The following CSTF3 variants were observed in gnomAD, a reference collection of about 807,000 sequenced individuals.
CSTF3 encodes cleavage stimulation factor subunit 3, also known as CF-1 77 kDa subunit.
Under a neutral mutation model 105.8 loss-of-function variants are expected in CSTF3, and 29 were observed. The observed-to-expected ratio is 0.27, with a 90% CI of 0.20 to 0.37. The LOEUF (loss-of-function observed/expected upper bound fraction) is 0.37. CSTF3 is among the 10% of genes least tolerant of loss of function. The pLI, the probability that CSTF3 is intolerant of heterozygous loss-of-function variation, is 1.00. For synonymous variants in CSTF3, 252 were observed against 281.9 expected (o/e 0.89, Z 1.06); for missense variants, 357 against 879.3 (o/e 0.41, Z 7.51).
At chr11:33,086,803 GTTTTGTT>G in intron 18 of CSTF3, among the ~76,000 whole-genome samples, 178 bp downstream of exon 18, 1 of 152,278 alleles carries the variant, frequency 6.6e-6, no homozygotes, top group Admixed American at 6.5e-5. Context: ...GATCATTGAA[GTTTTGTT>G]TTTAGGACAT....
intron 3 of CSTF3, among the ~76,000 whole-genome samples, chr11:33,137,858 T>C (rs532637633): frequency 2.0e-5 from 3 of 151,888 alleles, no homozygotes; most frequent in East Asian, 3.9e-4. Context: ...TAAAATCACA[T>C]TGCTCAACAG....
At chr11:33,153,232 G>T (rs1849812207) in intron 1 of CSTF3, among the ~76,000 whole-genome samples, 1 of 151,982 alleles carries the variant, frequency 6.6e-6, no homozygotes, top group Admixed American at 6.6e-5. Flanking sequence ...TGTTTTAGAT[G>T]AAAAATATGA....
Position 33,096,688 on chromosome 11 carries a change from T to C in CSTF3, c.1272+147A>G. 7 of 713,712 alleles carry C rather than the reference T, an allele frequency of 9.8e-6. No individual in the cohort carries two copies. The South Asian group carries it at 1.4e-4, about 15-fold the overall frequency. 44.2% of individuals were successfully genotyped at this position (713,712 alleles called of 1,614,324 possible). A position where few individuals can be genotyped will look rare whatever the true frequency, so the allele number is the denominator to read the frequency against. On this transcript the variant is annotated intron_variant, in intron 14 of 20. Coordinates refer to ENST00000323959, the MANE Select transcript of CSTF3 (RefSeq NM_001326.3). ...AAGTAGTTGGGGATTTGGATGATGCTCCATAAAATTTTACACAGATACACT... is the reference window on the plus strand; with the variant it reads ...AAGTAGTTGGGGATTTGGATGATGCCCCATAAAATTTTACACAGATACACT...
At chr11:33,133,151 G>C (rs1023131835) in intron 3 of CSTF3, among the ~76,000 whole-genome samples, 5 of 152,090 alleles carry the variant, frequency 3.3e-5, no homozygotes, top group African/African-American at 1.2e-4. Context: ...GGGAAAGCTA[G>C]GACTTTCCAA....
intron 13 of CSTF3, among the ~76,000 whole-genome samples, chr11:33,097,593 T>C (rs1194476820): frequency 1.3e-5 from 2 of 152,174 alleles, no homozygotes; most frequent in Admixed American, 6.5e-5. Flanking sequence ...GGTCTCAATC[T>C]CCTGACCTCG....
intron 3 of CSTF3, among the ~76,000 whole-genome samples, chr11:33,113,901 A>T (rs908402696): frequency 6.6e-6 from 1 of 152,122 alleles, no homozygotes; most frequent in Non-Finnish European, 1.5e-5. Context: ...GTTTAAAAAA[A>T]AAAATCAGTG....
chr11:33,108,056 T>C (rs1160219238), intron 4 of CSTF3, 56 bp from the exon 5 acceptor site: 2 of 1,101,836 alleles, frequency 1.8e-6, no homozygotes, highest in Admixed American at 2.3e-5. Flanking sequence ...CACATGGACA[T>C]AGATGAAATG....
intron 3 of CSTF3, chr11:33,136,349 GTAAAATTAAAGTAA>G (rs1855652881): frequency 6.6e-6 from 1 of 151,852 alleles, no homozygotes; most frequent in South Asian, 2.1e-4. Flanking sequence ...TAAAAATTCA[GTAAAATTAAAGTAA>G]TAAAATTGAA....
intron 3 of CSTF3, among the ~76,000 whole-genome samples, chr11:33,121,368 A>C (rs1460323636): frequency 3.9e-5 from 6 of 152,114 alleles, no homozygotes; most frequent in Non-Finnish European, 8.8e-5. Context: ...CATAAAATCT[A>C]CTAGATTTTA....
At chr11:33,105,974 TA>T (rs777629371) in intron 6 of CSTF3, 23 bp downstream of exon 6, 2 of 1,588,386 alleles carry the variant, frequency 1.3e-6, no homozygotes, top group East Asian at 4.5e-5. Flanking sequence ...TTTAAGTGCA[TA>T]CATTAAAAAG....
chr11:33,108,471 T>C (rs1855348106), intron 3 of CSTF3, 53 bp from the exon 4 acceptor site: 3 of 1,323,208 alleles, frequency 2.3e-6, no homozygotes, highest in African/African-American at 3.1e-5. Context: ...AGAGCATCAG[T>C]CTGAATTTTT....
At chr11:33,120,078 A>G (rs997482270) in intron 3 of CSTF3, among the ~76,000 whole-genome samples, 6 of 151,800 alleles carry the variant, frequency 4.0e-5, no homozygotes, top group African/African-American at 1.4e-4. Context: ...GGTCAATCTA[A>G]AGAAACAATT....
At chr11:33,154,625 T>C (rs1385180020) in intron 1 of CSTF3, among the ~76,000 whole-genome samples, 5 of 151,640 alleles carry the variant, frequency 3.3e-5, no homozygotes, top group Non-Finnish European at 7.4e-5. Flanking sequence ...GCCTCCCAAG[T>C]AGCTGGGATT....
At chr11:33,089,930 C>A (rs934024950) in intron 17 of CSTF3, among the ~76,000 whole-genome samples, 3 of 152,186 alleles carry the variant, frequency 2.0e-5, no homozygotes, top group African/African-American at 7.2e-5. Context: ...TAATCTCTCC[C>A]TGTGGCCTGA....
In CSTF3 at chr11:33,107,926, G is replaced by C. The variant is rs753742992; in HGVS notation, c.333C>G (p.Thr111=). Residue 111 remains threonine (T), a synonymous_variant, in exon 5 of 21, where the codon ACC becomes ACG. Coordinates refer to ENST00000323959, the MANE Select transcript of CSTF3 (RefSeq NM_001326.3). ...WKCYLSYVRE[T]KGKLPSYKEK... ...ACTTGTAACTTGGTAGTTTACCCTTGGTTTCTCGGACATATGAAAGATAAC... is the reference window on the plus strand; with the variant it reads ...ACTTGTAACTTGGTAGTTTACCCTTCGTTTCTCGGACATATGAAAGATAAC... 1 of 1,607,546 alleles carries C rather than the reference G, an allele frequency of 6.2e-7. No homozygotes were observed. The highest frequency in any genetic ancestry group is 1.7e-5 in the Admixed American group (1 of 59,178).
chr11:33,114,539 T>G (rs1855412312), intron 3 of CSTF3, among the ~76,000 whole-genome samples: 1 of 152,108 alleles, frequency 6.6e-6, no homozygotes, highest in Non-Finnish European at 1.5e-5. Context: ...ATTATACAAT[T>G]AACTTGAAAT....
intron 8 of CSTF3, among the ~76,000 whole-genome samples, chr11:33,104,680 A>G (rs1031060300): frequency 6.6e-6 from 1 of 152,108 alleles, no homozygotes; most frequent in Non-Finnish European, 1.5e-5. Flanking sequence ...TGGGAGAATC[A>G]CCTGAGCCCA....
At chr11:33,108,089 G>T in intron 4 of CSTF3, 89 bp from the exon 5 acceptor site, 1 of 774,588 alleles carries the variant, frequency 1.3e-6, no homozygotes, top group Non-Finnish European at 2.0e-6. Flanking sequence ...CACAAATTCA[G>T]CTCCCTTTAT....
At chr11:33,086,180 A>C (rs775081786) in intron 18 of CSTF3, among the ~76,000 whole-genome samples, 191 bp from the exon 19 acceptor site, 3 of 152,260 alleles carry the variant, frequency 2.0e-5, no homozygotes, top group Non-Finnish European at 4.4e-5. Context: ...TGGGAGGCAG[A>C]GAAGTAGACA....
Sources: gnomAD v4.1 joint callset for allele counts (sites outside exome capture counted in the v4.1 genomes callset) on GRCh38, gnomAD v4.1.1 for gene constraint, MANE v1.5 for transcripts, NCBI Gene and HGNC (gene_info 2026-07-23, HGNC 2026-07-21) for gene names.